The following ERBB4 variants were observed in gnomAD, a reference collection of about 807,000 sequenced individuals.
ERBB4 encodes the protein receptor tyrosine-protein kinase erbB-4.
ERBB4 carries 42 observed loss-of-function variants against 158.0 expected under a neutral mutation model. The observed-to-expected ratio is 0.27, with a 90% CI of 0.21 to 0.34. The LOEUF is 0.34. Ranked by LOEUF, ERBB4 falls within the 10% of genes least tolerant of loss-of-function variation. ERBB4 has a pLI of 1.00. For synonymous variants in ERBB4, 583 were observed against 558.7 expected (o/e 1.04, Z -0.61); for missense variants, 1,333 against 1,624.1 (o/e 0.82, Z 3.08).
chr2:212,409,018 A>C (rs2091425883), intron 1 of ERBB4, among the ~76,000 whole-genome samples: 1 of 152,196 alleles, frequency 6.6e-6, no homozygotes. Flanking sequence ...TTTACAGATA[A>C]TACAAATCAT....
chr2:212,429,589 T>C (rs557810085), intron 1 of ERBB4, among the ~76,000 whole-genome samples: 2 of 152,200 alleles, frequency 1.3e-5, no homozygotes, highest in East Asian at 1.9e-4. Context: ...CTAAGCACTT[T>C]ATATAAATTT....
chr2:212,537,150 C>CGGCGGCGGCGGCGCG (rs576146218), intron 1 of ERBB4, among the ~76,000 whole-genome samples: 17 of 151,094 alleles, frequency 1.1e-4, no homozygotes, highest in Non-Finnish European at 5.9e-5. Context: ...GCGGCGGCGG[C>CGGCGGCGGCGGCGCG]GGCGGAGCGG....
chr2:211,944,191 A>AG (rs375372700), intron 3 of ERBB4, among the ~76,000 whole-genome samples: 22,519 of 85,824 alleles, frequency 0.26, 2,981 homozygotes, highest in Non-Finnish European at 0.32. Flanking sequence ...ATATATATAT[A>AG]TATATATACT....
chr2:211,469,133 G>C (rs1325133384), intron 20 of ERBB4, among the ~76,000 whole-genome samples: 1 of 152,046 alleles, frequency 6.6e-6, no homozygotes, highest in Non-Finnish European at 1.5e-5. Flanking sequence ...TTCAGACAAA[G>C]AATCAAGCAG....
intron 2 of ERBB4, among the ~76,000 whole-genome samples, chr2:212,004,669 G>A (rs1248571025): frequency 6.6e-6 from 1 of 152,042 alleles, no homozygotes; most frequent in African/African-American, 2.4e-5. Flanking sequence ...ATCTTTTGAG[G>A]TAAGGAGCCA....
At chr2:212,374,694 C>T (rs1279214633) in intron 1 of ERBB4, among the ~76,000 whole-genome samples, 4 of 151,790 alleles carry the variant, frequency 2.6e-5, no homozygotes, top group Non-Finnish European at 4.4e-5. Flanking sequence ...ACAAGAATGG[C>T]GTCAGTTCCA....
intron 2 of ERBB4, among the ~76,000 whole-genome samples, chr2:212,108,804 T>C (rs1199147588): frequency 7.0e-6 from 1 of 142,222 alleles, no homozygotes; most frequent in African/African-American, 2.7e-5. Context: ...GACAGAAGAG[T>C]CACAAAGAAT....
At chr2:212,238,249 T>A (rs1402468853) in intron 1 of ERBB4, among the ~76,000 whole-genome samples, 1 of 152,226 alleles carries the variant, frequency 6.6e-6, no homozygotes, top group East Asian at 1.9e-4. Flanking sequence ...TTGCGAAGAC[T>A]GTAGGAAAAG....
At chr2:211,451,326 A>G (rs1321341375) in intron 20 of ERBB4, among the ~76,000 whole-genome samples, 1 of 152,208 alleles carries the variant, frequency 6.6e-6, no homozygotes, top group Non-Finnish European at 1.5e-5. Context: ...TTAAGCATTC[A>G]GGACGGAAGT....
intron 4 of ERBB4, among the ~76,000 whole-genome samples, chr2:211,762,493 C>G (rs1278163881): frequency 6.6e-6 from 1 of 152,126 alleles, no homozygotes; most frequent in Non-Finnish European, 1.5e-5. Context: ...GGAAATATTT[C>G]CAGGTATGTT....
chr2:211,751,295 A>G (rs2075124210), intron 4 of ERBB4, among the ~76,000 whole-genome samples: 1 of 152,178 alleles, frequency 6.6e-6, no homozygotes, highest in South Asian at 2.1e-4. Context: ...CTAAGCCTTA[A>G]TCTCCTATAG....
intron 2 of ERBB4, among the ~76,000 whole-genome samples, chr2:211,978,044 C>T (rs1450102042): frequency 2.0e-5 from 3 of 150,386 alleles, no homozygotes; most frequent in East Asian, 1.9e-4. Flanking sequence ...TATAATAATT[C>T]TCTTCACCTA....
intron 8 of ERBB4, among the ~76,000 whole-genome samples, chr2:211,713,003 C>A (rs2073761426): frequency 6.6e-6 from 1 of 152,074 alleles, no homozygotes; most frequent in Admixed American, 6.6e-5. Flanking sequence ...GGAAGAGATT[C>A]CTTCCTCCGC....
At chr2:211,578,552 T>A (rs996732460) in intron 19 of ERBB4, among the ~76,000 whole-genome samples, 1 of 152,126 alleles carries the variant, frequency 6.6e-6, no homozygotes, top group African/African-American at 2.4e-5. Context: ...GACTTCAAAC[T>A]ATATTACAAG....
chr2:211,564,456 AT>A (rs1373031787), intron 19 of ERBB4, among the ~76,000 whole-genome samples: 1 of 152,228 alleles, frequency 6.6e-6, no homozygotes, highest in East Asian at 1.9e-4. Flanking sequence ...AAATAGAAGT[AT>A]TATGTAAATT....
chr2:211,456,637 T>G (rs2064387713), intron 20 of ERBB4, among the ~76,000 whole-genome samples: 1 of 152,100 alleles, frequency 6.6e-6, no homozygotes, highest in Non-Finnish European at 1.5e-5. Context: ...TTCCCAACAT[T>G]TTAGGATCCA....
rs184712810 is a variant in ERBB4, at chr2:212,216,990, T to A, written c.83-92087A>T. 1.6e-4 allele frequency among the ~76,000 whole-genome samples: 24 copies of A among 151,528 alleles called. No homozygotes were observed. In the East Asian group the frequency reaches 4.5e-3, roughly 28 times the overall value. On this transcript the variant is annotated intron_variant, in intron 1 of 27. Coordinates refer to ENST00000342788, the MANE Select transcript of ERBB4 (RefSeq NM_005235.3). ...AACATTCCTTGCAATATCCTTCACA[T>A]GTATGTGTTAAGATTGCAGATCAAG... is the stretch of plus-strand genomic sequence containing the variant.
At chr2:212,019,703 C>A (rs2076605192) in intron 2 of ERBB4, among the ~76,000 whole-genome samples, 1 of 131,390 alleles carries the variant, frequency 7.6e-6, no homozygotes, top group Non-Finnish European at 1.5e-5. Context: ...GTGGAGGTTG[C>A]AGTGAGCCAA....
At chr2:212,303,944 G>A (rs534407957) in intron 1 of ERBB4, among the ~76,000 whole-genome samples, 1 of 151,516 alleles carries the variant, frequency 6.6e-6, no homozygotes, top group Non-Finnish European at 1.5e-5. Flanking sequence ...AAAGACAAAT[G>A]ATTTAAAAAA....
Sources: allele counts gnomAD v4.1 joint callset (sites outside exome capture counted in the v4.1 genomes callset), GRCh38; gene constraint gnomAD v4.1.1; transcripts MANE v1.5; gene names NCBI Gene and HGNC (gene_info 2026-07-23, HGNC 2026-07-21).